The following PIP5K1C variants were observed in gnomAD, a reference collection of about 807,000 sequenced individuals.
The protein encoded by PIP5K1C is phosphatidylinositol 4-phosphate 5-kinase type-1 gamma.
Under a neutral mutation model 80.1 loss-of-function variants are expected in PIP5K1C, and 45 were observed. That is an observed-to-expected ratio of 0.56 (90% CI 0.44 to 0.72). The LOEUF is 0.72. Among genes scored for constraint, PIP5K1C ranks in the 30% least tolerant of loss-of-function variants. PIP5K1C has a pLI of 0.00. For missense variants in PIP5K1C, 753 were observed against 954.6 expected, an observed-to-expected ratio of 0.79 and a Z score of 2.78; for synonymous variants, 498 against 420.1, an observed-to-expected ratio of 1.19 and a Z score of -2.27.
chr19:3,677,672 G>A (rs964384030), intron 1 of PIP5K1C, among the ~76,000 whole-genome samples: 3 of 149,710 alleles, frequency 2.0e-5, no homozygotes, highest in Admixed American at 6.7e-5. Flanking sequence ...ACTTTGAAAG[G>A]CTTCCAAAAA....
chr19:3,661,618 G>A (rs1404230387), intron 4 of PIP5K1C, among the ~76,000 whole-genome samples: 1 of 152,230 alleles, frequency 6.6e-6, no homozygotes, highest in African/African-American at 2.4e-5. Context: ...ACTGCCCACT[G>A]GTTATTTGTA....
At chr19:3,652,082 C>T (rs529726831) in intron 7 of PIP5K1C, 51 bp from the exon 8 acceptor site, 6 of 1,573,560 alleles carry the variant, frequency 3.8e-6, no homozygotes, top group Non-Finnish European at 4.4e-6. Flanking sequence ...CTCTATCCCC[C>T]ACAACGGCTC....
chr19:3,637,675 G>T lies in PIP5K1C; in HGVS notation c.1920+1209C>A. 1 of 1,508,212 alleles carries T rather than the reference G, an allele frequency of 6.6e-7. No homozygotes were observed. Among genetic ancestry groups the T allele is most frequent in the South Asian group, 1.3e-5 (1 of 79,482 alleles). The allele number at this position is 1,508,212 out of a possible 1,614,324, so 93.4% of individuals were successfully genotyped here. A position where few individuals can be genotyped will look rare whatever the true frequency, so the allele number is the denominator to read the frequency against. On this transcript the variant is annotated intron_variant, in intron 16 of 17. Transcript: ENST00000335312. This position sits in a 1 kb window ranked among gnomAD's most constrained non-coding sequence, Gnocchi z 7.0. ...GAAAACAGAGGACAGCGGATGAGGC[G>T]GCCACCCCCGTGGTCGGGTGGGAGA...
In PIP5K1C at chr19:3,645,917, C is replaced by G. The variant is rs565497090; in HGVS notation, c.1345+57G>C. 1.8e-5 allele frequency: 25 copies of G among 1,383,814 alleles called. No homozygotes were observed. In the African/African-American group the frequency reaches 3.5e-4, roughly 20 times the overall value. 85.7% of individuals were successfully genotyped at this position (1,383,814 alleles called of 1,614,324 possible). A position where few individuals can be genotyped will look rare whatever the true frequency, so the allele number is the denominator to read the frequency against. On this transcript the variant is annotated intron_variant, in intron 11 of 17. Transcript: ENST00000335312. ...CTCCCGCAGAGTCCCTCCTGCCCCA[C>G]GGCGCTCTGGGCCTTCCCCAGGGTC...
intron 14 of PIP5K1C, 48 bp from the exon 15 acceptor site, chr19:3,641,857 C>T (rs762611456): frequency 2.0e-6 from 3 of 1,481,030 alleles, no homozygotes; most frequent in Non-Finnish European, 1.9e-6. Context: ...TCACTTCCCC[C>T]ATCCTACCCC....
chr19:3,682,142 G>A (rs1472005568), intron 1 of PIP5K1C, among the ~76,000 whole-genome samples: 1 of 152,106 alleles, frequency 6.6e-6, no homozygotes, highest in African/African-American at 2.4e-5. Context: ...GGGAGGCTGA[G>A]GCGGGTGGAT....
At chr19:3,686,673 G>A (rs934678695) in intron 1 of PIP5K1C, among the ~76,000 whole-genome samples, 4 of 148,104 alleles carry the variant, frequency 2.7e-5, no homozygotes, top group African/African-American at 7.5e-5. Context: ...AACCGAGATC[G>A]CACCATTGCA....
rs375595357 is a variant in PIP5K1C at position 3,651,856 on chromosome 19, G to A, written c.1097C>T (p.Ala366Val). The A allele has an allele frequency of 4.7e-5, 76 of 1,612,318 alleles. No homozygotes were observed. The African/African-American group carries it at 5.2e-4, about 11-fold the overall frequency. ...TAMESIQGGA[A>V]RGEAIESDDT... ...ATCCGATTCGATGGCCTCCCCGCGC[G>A]CGGCGCCACCCTGGATGGACTCCAT... Residue 366 changes from alanine to valine, a missense_variant, in exon 8 of 18, where the codon GCG (alanine) becomes GTG (valine). Transcript: ENST00000335312.
At chr19:3,656,664 AT>A in intron 5 of PIP5K1C, 107 bp from the exon 6 acceptor site, 1 of 1,252,764 alleles carries the variant, frequency 8.0e-7, no homozygotes, top group Non-Finnish European at 1.1e-6. Flanking sequence ...GGGTCGCTGC[AT>A]TTTACAGATG....
intron 1 of PIP5K1C, among the ~76,000 whole-genome samples, chr19:3,668,923 G>T (rs556573686): frequency 9.2e-5 from 14 of 152,206 alleles, no homozygotes; most frequent in Non-Finnish European, 1.8e-4. Context: ...TAACAGCAGC[G>T]TCCTCCAGGC....
intron 5 of PIP5K1C, among the ~76,000 whole-genome samples, chr19:3,659,145 G>A (rs528755347): frequency 3.3e-5 from 5 of 152,270 alleles, no homozygotes; most frequent in African/African-American, 1.2e-4. Context: ...AGTCCCCTCC[G>A]AACCCTACCT....
At chr19:3,638,142 T>A in intron 16 of PIP5K1C, 2 of 1,167,372 alleles carry the variant, frequency 1.7e-6, no homozygotes, top group Middle Eastern at 3.0e-4. Flanking sequence ...GGAAGTGGGC[T>A]GCAGCCTCCG....
chr19:3,645,155 G>C (rs1337122131), intron 11 of PIP5K1C, among the ~76,000 whole-genome samples: 2 of 152,234 alleles, frequency 1.3e-5, no homozygotes, highest in African/African-American at 4.8e-5. Context: ...CTGGGCACTG[G>C]CGTGCCTGTC....
chr19:3,683,773 G>T (rs1384286182), intron 1 of PIP5K1C, among the ~76,000 whole-genome samples: 1 of 151,980 alleles, frequency 6.6e-6, no homozygotes, highest in African/African-American at 2.4e-5. Context: ...CAGTACGGAG[G>T]CCCCGGGGCA....
At chr19:3,634,426 G>A (rs181614530) in intron 16 of PIP5K1C, among the ~76,000 whole-genome samples, 17 of 151,968 alleles carry the variant, frequency 1.1e-4, no homozygotes, top group Admixed American at 3.9e-4. Flanking sequence ...AGCCTTCAAC[G>A]CCCCTCCCGG....
chr19:3,645,487 C>A (rs894225262), intron 11 of PIP5K1C, among the ~76,000 whole-genome samples: 2 of 152,248 alleles, frequency 1.3e-5, no homozygotes, highest in African/African-American at 2.4e-5. Context: ...CGAGTCCCCA[C>A]CTTCCCCACC....
chr19:3,687,499 G>GCACACATGCACACGCA (rs534300467), intron 1 of PIP5K1C, among the ~76,000 whole-genome samples: 29,666 of 151,056 alleles, frequency 0.2, 3,287 homozygotes, highest in African/African-American at 0.3. Flanking sequence ...GCACATACAC[G>GCACACATGCACACGCA]CACACATGCA....
intron 1 of PIP5K1C, among the ~76,000 whole-genome samples, chr19:3,669,088 C>T (rs932600465): frequency 5.3e-5 from 8 of 152,166 alleles, no homozygotes; most frequent in African/African-American, 1.4e-4. Context: ...AGCATCTTCT[C>T]ACTCCATTCC....
chr19:3,679,287 C>T (rs189107215), intron 1 of PIP5K1C, among the ~76,000 whole-genome samples: 1 of 152,074 alleles, frequency 6.6e-6, no homozygotes, highest in Non-Finnish European at 1.5e-5. Flanking sequence ...TGTGCCCAGG[C>T]TCCCCACCCA....
Sources: allele counts gnomAD v4.1 joint callset (sites outside exome capture counted in the v4.1 genomes callset), GRCh38; gene constraint gnomAD v4.1.1; non-coding constraint Gnocchi (gnomAD v3.1); transcripts MANE v1.5; gene names NCBI Gene and HGNC (gene_info 2026-07-23, HGNC 2026-07-21).